MYO1B: variants seen among roughly 807,000 people sequenced by gnomAD.
MYO1B encodes the protein myosin IB.
A neutral mutation model predicts 159.7 loss-of-function variants in MYO1B; 72 were observed. That is an observed-to-expected ratio of 0.45 (90% CI 0.37 to 0.55). MYO1B has a LOEUF of 0.55. MYO1B is among the 20% of genes least tolerant of loss of function. MYO1B has a pLI of 0.00. For synonymous variants in MYO1B, 468 were observed against 473.8 expected, an observed-to-expected ratio of 0.99 and a Z score of 0.16; for missense variants, 1,062 against 1,364.8, an observed-to-expected ratio of 0.78 and a Z score of 3.50.
In MYO1B at chr2:191,260,253, G is replaced by GGTTTTTTTTTTTTTTTTTTTTTT. The variant is rs1256549425; in HGVS notation, c.-10+14627_-10+14628insGTTTTTTTTTTTTTTTTTTTTTT. Among the ~76,000 whole-genome samples the GGTTTTTTTTTTTTTTTTTTTTTT allele has an allele frequency of 1.3e-4, 3 of 22,616 alleles. 1 individual carries two copies. The highest frequency in any genetic ancestry group is 0.029 in the East Asian group (2 of 70). The allele number at this position is 22,616 out of a possible 152,430, so 14.8% of individuals were successfully genotyped here. On this transcript the variant is annotated intron_variant, in intron 1 of 30. Transcript: ENST00000392318. ...ATAATATTACTTTTTTCCCAGATAG[G>GGTTTTTTTTTTTTTTTTTTTTTT]CTTTTTTTTTTTTTGAATTAAAGCT...
intron 1 of MYO1B, among the ~76,000 whole-genome samples, chr2:191,270,203 G>T (rs1269802659): frequency 6.6e-6 from 1 of 152,166 alleles, no homozygotes; most frequent in Non-Finnish European, 1.5e-5. Flanking sequence ...ACAAGGAAAG[G>T]TGGCCAATTC....
chr2:191,408,122 G>A lies in MYO1B; in HGVS notation c.2564G>A (p.Arg855Lys). Residue 855 changes from arginine to lysine, a missense_variant, in exon 25 of 31, where the codon AGA becomes AAA. Physicochemically the swap from Arg to Lys is conservative, Grantham distance 26 (BLOSUM62 2). This residue lies in a region of MYO1B where 609 missense variants were observed against 744.4 expected (regional missense o/e 0.82). Transcript: ENST00000392318. Reference protein sequence around the residue: ...WAYWLGLKVRREYRKFFRANA... With the variant: ...WAYWLGLKVRKEYRKFFRANA... ...TACATCTTCTTTTTAAAGGTACGTA[G>A]AGAATACAGGAAATTCTTCAGAGCC... 3.7e-6 allele frequency: 6 copies of A among 1,611,512 alleles called. No individual in the cohort carries two copies.
rs780172526 is a variant in MYO1B, at chr2:191,277,047, G to A, written c.135+17G>A. The A allele has an allele frequency of 6.2e-7, 1 of 1,610,964 alleles. No homozygotes were observed. The highest frequency in any genetic ancestry group is 1.3e-5 in the African/African-American group (1 of 74,728). The stretch of plus-strand genomic sequence containing the variant: ...GAAATATACGTAAGTACACACGAAG[G>A]TCATCTGTAATGTTTAGACTTTGTA... On this transcript the variant is annotated intron_variant, in intron 2 of 30. Transcript: ENST00000392318.
At position 191,296,001 on chromosome 2, in the gene MYO1B, A is replaced by G. The variant is rs1252138684; in HGVS notation, c.136-110A>G. 1.5e-5 allele frequency: 7 copies of G among 462,786 alleles called. No homozygotes were observed. In the East Asian group the frequency reaches 2.2e-4, roughly 14 times the overall value. The allele number at this position is 462,786 out of a possible 1,614,324, so 28.7% of individuals were successfully genotyped here. ...AAATGTATACAATGAATGGTGAAGC[A>G]GAACTAGTGTTGATTTTAAAAGGTT... On this transcript the variant is annotated intron_variant, in intron 2 of 30. Coordinates refer to ENST00000392318, the MANE Select transcript of MYO1B (RefSeq NM_001130158.3).
At chr2:191,257,387 A>C (rs567757329) in intron 1 of MYO1B, among the ~76,000 whole-genome samples, 1 of 152,220 alleles carries the variant, frequency 6.6e-6, no homozygotes, top group Admixed American at 6.5e-5. Flanking sequence ...CCTATTTTGC[A>C]TAGGGTTATC....
rs118010451 is a variant in MYO1B, at chr2:191,253,186, C to A, written c.-10+7560C>A. 6.3e-4 allele frequency among the ~76,000 whole-genome samples: 96 copies of A among 152,292 alleles called. 1 individual carries two copies. In the East Asian group the frequency reaches 0.011, roughly 17 times the overall value. On this transcript the variant is annotated intron_variant, in intron 1 of 30. Coordinates refer to ENST00000392318, the MANE Select transcript of MYO1B (RefSeq NM_001130158.3). ...AAGTTTCTTTGCAGAAAGACTTCTC[C>A]TGGCCTTCATTTGTGACTGTGTACT...
At chr2:191,416,335 T>C (rs768875367) in intron 30 of MYO1B, 93 bp downstream of exon 30, 19 of 1,448,922 alleles carry the variant, frequency 1.3e-5, no homozygotes, top group African/African-American at 2.8e-5. Context: ...CAACTACTTA[T>C]TAAGTACCAG....
At chr2:191,348,355 C>T (rs1294277717) in intron 6 of MYO1B, among the ~76,000 whole-genome samples, 2 of 152,200 alleles carry the variant, frequency 1.3e-5, no homozygotes, top group Non-Finnish European at 2.9e-5. Flanking sequence ...TTCCTGGTGC[C>T]TGACCTATAT....
In MYO1B at chr2:191,422,508, C is replaced by A. The variant is rs572489645; in HGVS notation, c.3288-1329C>A. ...AAAATACACTAATGGATTTTTTAAT[C>A]CATGAATTAATTTCTATACACTAAT... is the stretch of plus-strand genomic sequence containing the variant. On this transcript the variant is annotated intron_variant, in intron 30 of 30. Coordinates refer to ENST00000392318, the MANE Select transcript of MYO1B (RefSeq NM_001130158.3). Among the ~76,000 whole-genome samples, 6 of 152,006 alleles carry A rather than the reference C, an allele frequency of 3.9e-5. No homozygotes were observed. In the South Asian group the frequency reaches 6.3e-4, roughly 16 times the overall value.
chr2:191,269,157 C>G (rs1687312218), intron 1 of MYO1B, among the ~76,000 whole-genome samples: 1 of 152,192 alleles, frequency 6.6e-6, no homozygotes, highest in South Asian at 2.1e-4. Context: ...ATAGCACCTC[C>G]TCATTACTCT....
Position 191,387,213 on chromosome 2 carries a change from G to A in MYO1B, c.1555-11G>A. 1 of 1,607,352 alleles carries A rather than the reference G, an allele frequency of 6.2e-7. No individual in the cohort carries two copies. The highest frequency in any genetic ancestry group is 8.5e-7 in the Non-Finnish European group (1 of 1,175,050). ...ATGTGCCTGTCATTGAGTTACATGTGCTGCTTATAGGTGCTGTACCAGGTG... is the reference window on the plus strand; with the variant it reads ...ATGTGCCTGTCATTGAGTTACATGTACTGCTTATAGGTGCTGTACCAGGTG... On this transcript the variant is annotated splice_polypyrimidine_tract_variant and intron_variant, in intron 16 of 30. Coordinates refer to ENST00000392318, the MANE Select transcript of MYO1B (RefSeq NM_001130158.3).
chr2:191,357,188 T>C (rs1693348034), intron 7 of MYO1B, among the ~76,000 whole-genome samples: 1 of 152,212 alleles, frequency 6.6e-6, no homozygotes, highest in South Asian at 2.1e-4. Context: ...TTTTTATTTA[T>C]TTGTCAAAAA....
intron 3 of MYO1B, among the ~76,000 whole-genome samples, chr2:191,305,621 C>T (rs1041972051): frequency 4.6e-5 from 7 of 152,140 alleles, no homozygotes; most frequent in Non-Finnish European, 8.8e-5. Context: ...CACAGGCTGG[C>T]GTGGGAGACA....
chr2:191,322,759 A>G (rs1263941709), intron 3 of MYO1B, among the ~76,000 whole-genome samples: 1 of 152,116 alleles, frequency 6.6e-6, no homozygotes, highest in Non-Finnish European at 1.5e-5. Flanking sequence ...TTTCTTGTCC[A>G]ATTATGTGGG....
At chr2:191,280,845 G>A (rs1489353229) in intron 2 of MYO1B, among the ~76,000 whole-genome samples, 2 of 152,180 alleles carry the variant, frequency 1.3e-5, no homozygotes, top group Non-Finnish European at 1.5e-5. Flanking sequence ...CTTTTTTGAT[G>A]TTGATGTCAT....
chr2:191,331,731 C>T (rs1376611842), intron 4 of MYO1B, among the ~76,000 whole-genome samples: 1 of 152,156 alleles, frequency 6.6e-6, no homozygotes, highest in Non-Finnish European at 1.5e-5. Context: ...TTTACATAGA[C>T]ATATATGCAC....
chr2:191,391,237 T>C (rs1695731158), intron 18 of MYO1B, among the ~76,000 whole-genome samples: 1 of 152,226 alleles, frequency 6.6e-6, no homozygotes, highest in African/African-American at 2.4e-5. Context: ...GCTGGAGGGC[T>C]GACATGCCTG....
chr2:191,269,231 C>T (rs1211464448), intron 1 of MYO1B, among the ~76,000 whole-genome samples: 1 of 152,138 alleles, frequency 6.6e-6, no homozygotes, highest in East Asian at 1.9e-4. Flanking sequence ...TTCTGTGTAC[C>T]TTATATAAGT....
chr2:191,387,365 A>T lies in MYO1B; in HGVS notation c.1696A>T (p.Arg566Trp), dbSNP rs1161250356. The T allele has an allele frequency of 1.9e-6, 3 of 1,614,056 alleles. No individual in the cohort carries two copies. In the African/African-American group the frequency reaches 4.0e-5, roughly 22 times the overall value. Residue 566 changes from arginine (R) to tryptophan (W), a missense_variant, in exon 17 of 31, where the codon AGG (arginine) becomes TGG (tryptophan). Coordinates refer to ENST00000392318, the MANE Select transcript of MYO1B (RefSeq NM_001130158.3). The part of the protein sequence containing the change: ...EGNPAKINLK[R>W]PPTAGSQFKA... ...GAATCCCGCCAAGATCAACCTGAAA[A>T]GGCCTCCTACAGCAGGCTCACAGTT...
Sources: gnomAD v4.1 joint callset for allele counts (sites outside exome capture counted in the v4.1 genomes callset) on GRCh38, gnomAD v4.1.1 for gene constraint, gnomAD v4.1.1 regional missense constraint, MANE v1.5 for transcripts, NCBI Gene and HGNC (gene_info 2026-07-23, HGNC 2026-07-21) for gene names.